VAV2: variants seen among roughly 807,000 people sequenced by gnomAD.
The protein encoded by VAV2 is vav guanine nucleotide exchange factor 2.
Under a neutral mutation model 132.5 loss-of-function variants are expected in VAV2, and 67 were observed. That is an observed-to-expected ratio of 0.51 (90% CI 0.42 to 0.62). The LOEUF is 0.62. Ranked by LOEUF, VAV2 falls within the 20% of genes least tolerant of loss-of-function variation. VAV2 has a pLI of 0.00. For synonymous variants in VAV2, 492 were observed against 443.5 expected (o/e 1.11, Z -1.37); for missense variants, 938 against 1,153.6 (o/e 0.81, Z 2.71).
intron 2 of VAV2, 69 bp downstream of exon 2, chr9:133,939,034 A>G (rs555584966): frequency 1.4e-3 from 1,979 of 1,455,938 alleles, no homozygotes; most frequent in Non-Finnish European, 1.7e-3. Context: ...GATCTGGCCC[A>G]CCTGCCGCTG....
chr9:133,888,479 A>G (rs963865906), intron 2 of VAV2, among the ~76,000 whole-genome samples: 2 of 152,214 alleles, frequency 1.3e-5, no homozygotes, highest in Non-Finnish European at 2.9e-5. Context: ...AAACACGGAC[A>G]GGCAGGCCCA....
intron 2 of VAV2, among the ~76,000 whole-genome samples, chr9:133,899,706 G>A (rs1839362325): frequency 2.0e-5 from 3 of 147,544 alleles, no homozygotes; most frequent in African/African-American, 4.9e-5. Flanking sequence ...CACCATGCCT[G>A]GCCTCTACCA....
At chr9:133,771,100 G>C (rs1165402581) in intron 26 of VAV2, among the ~76,000 whole-genome samples, 1 of 115,120 alleles carries the variant, frequency 8.7e-6, no homozygotes, top group African/African-American at 3.4e-5. Context: ...GTCTTACTCT[G>C]TCACCCAGGC....
intron 3 of VAV2, among the ~76,000 whole-genome samples, chr9:133,843,918 G>C (rs992364212): frequency 5.6e-4 from 84 of 151,172 alleles, no homozygotes; most frequent in African/African-American, 1.8e-3. Flanking sequence ...CATAGCCCCG[G>C]CAGTGACCTT....
Position 133,802,595 on chromosome 9 carries a change from G to A in VAV2, c.836+3486C>T, listed in dbSNP as rs1242267183. On this transcript the variant is annotated intron_variant, in intron 9 of 29. Transcript: ENST00000371850. This position sits in a 1 kb window ranked among gnomAD's most constrained non-coding sequence, Gnocchi z 5.8. The stretch of plus-strand genomic sequence containing the variant: ...GACAAGGTATGTGGTTCCCTTGCTC[G>A]TGAGTTGACAGACCCGTGGCCCGAG... 6.6e-6 allele frequency among the ~76,000 whole-genome samples: 1 copy of A among 152,206 alleles called. No individual in the cohort carries two copies.
chr9:133,950,829 C>T (rs977520965), intron 1 of VAV2, among the ~76,000 whole-genome samples: 1 of 152,098 alleles, frequency 6.6e-6, no homozygotes, highest in Non-Finnish European at 1.5e-5. Flanking sequence ...CCATTTCTTC[C>T]CCCTTCCGGA....
At chr9:133,938,686 T>A (rs2789847) in intron 2 of VAV2, among the ~76,000 whole-genome samples, 134,044 of 151,998 alleles carry the variant, frequency 0.88, 59,842 homozygotes, top group East Asian at 0.98. Flanking sequence ...CGCTTTCCCC[T>A]CCTCATCTCC....
At chr9:133,850,216 C>T (rs1008744402) in intron 3 of VAV2, among the ~76,000 whole-genome samples, 2 of 152,218 alleles carry the variant, frequency 1.3e-5, no homozygotes, top group Non-Finnish European at 2.9e-5. Context: ...GCAAGGATCC[C>T]AGCCGGGCCT....
chr9:133,976,687 G>A (rs916050968), intron 1 of VAV2, among the ~76,000 whole-genome samples: 2 of 152,234 alleles, frequency 1.3e-5, no homozygotes, highest in African/African-American at 4.8e-5. Context: ...CTGGCTTTCT[G>A]TCCTGCGACG....
chr9:133,982,101 AG>A (rs1392530537), intron 1 of VAV2, among the ~76,000 whole-genome samples: 5 of 152,272 alleles, frequency 3.3e-5, no homozygotes, highest in Non-Finnish European at 4.4e-5. Flanking sequence ...GGGGCAGGAA[AG>A]GCTTCCCAGG....
intron 1 of VAV2, among the ~76,000 whole-genome samples, chr9:133,986,855 T>G (rs921752978): frequency 6.6e-6 from 1 of 152,068 alleles, no homozygotes; most frequent in Non-Finnish European, 1.5e-5. Context: ...ATGTCGCTTT[T>G]CAGTCACCAA....
intron 2 of VAV2, among the ~76,000 whole-genome samples, chr9:133,876,979 C>T (rs1048909533): frequency 4.6e-5 from 7 of 152,084 alleles, no homozygotes; most frequent in African/African-American, 1.2e-4. Flanking sequence ...CCAGGGCTGG[C>T]GTCTGGGCAA....
chr9:133,888,937 T>TTCGCAA (rs1318096679), intron 2 of VAV2, among the ~76,000 whole-genome samples: 1 of 152,194 alleles, frequency 6.6e-6, no homozygotes, highest in African/African-American at 2.4e-5. Context: ...GTCATTCGCA[T>TTCGCAA]TCGCAAGGAG....
intron 4 of VAV2, among the ~76,000 whole-genome samples, chr9:133,828,700 C>T (rs906849418): frequency 5.9e-5 from 9 of 152,190 alleles, no homozygotes; most frequent in Admixed American, 2.0e-4. Flanking sequence ...TGTGAGTCCC[C>T]GGGGAACTTC....
chr9:133,952,477 C>T (rs1841593061), intron 1 of VAV2, among the ~76,000 whole-genome samples: 1 of 152,012 alleles, frequency 6.6e-6, no homozygotes, highest in South Asian at 2.1e-4. Flanking sequence ...GTGGCACGCA[C>T]CTGTAATCCC....
chr9:133,857,343 C>G lies in VAV2; in HGVS notation c.380+4031G>C, dbSNP rs997847705. On this transcript the variant is annotated intron_variant, in intron 3 of 29. Coordinates refer to ENST00000371850, the MANE Select transcript of VAV2 (RefSeq NM_001134398.2). The surrounding 1 kb of genome is among the most constrained non-coding windows in gnomAD (Gnocchi z 4.0). ...CCCGCTTCCCCAACACGTTTGATCC[C>G]CCAGCCGGCACCAGGGCGGGATTCT... Among the ~76,000 whole-genome samples, 3 of 152,208 alleles carry G rather than the reference C, an allele frequency of 2.0e-5. No individual in the cohort carries two copies. Among genetic ancestry groups the G allele is most frequent in the Non-Finnish European group, 4.4e-5 (3 of 68,046 alleles).
At chr9:133,854,286 C>CACAA (rs3054961) in intron 3 of VAV2, among the ~76,000 whole-genome samples, 40,616 of 151,110 alleles carry the variant, frequency 0.27, 7,992 homozygotes, top group African/African-American at 0.57. Context: ...CATATGCACA[C>CACAA]ACACACACCC....
chr9:133,815,693 T>C (rs12552884), intron 4 of VAV2, among the ~76,000 whole-genome samples: 36,076 of 152,084 alleles, frequency 0.24, 5,002 homozygotes, highest in African/African-American at 0.39. Context: ...GCTACCCATC[T>C]TCCTTCTTTA....
At chr9:133,887,942 C>T (rs1218871035) in intron 2 of VAV2, among the ~76,000 whole-genome samples, 1 of 152,232 alleles carries the variant, frequency 6.6e-6, no homozygotes, top group Non-Finnish European at 1.5e-5. Flanking sequence ...ACGCAGCGTC[C>T]ACAGAAGGCA....
Sources: allele counts gnomAD v4.1 joint callset (sites outside exome capture counted in the v4.1 genomes callset), GRCh38; gene constraint gnomAD v4.1.1; non-coding constraint Gnocchi (gnomAD v3.1); transcripts MANE v1.5; gene names NCBI Gene and HGNC (gene_info 2026-07-23, HGNC 2026-07-21).